The following EFCAB11 variants were observed in gnomAD, a reference collection of about 807,000 sequenced individuals.
EFCAB11 encodes EF-hand calcium-binding domain-containing protein 11.
A neutral mutation model predicts 23.0 loss-of-function variants in EFCAB11; 14 were observed. The observed-to-expected ratio is 0.61, with a 90% confidence interval of 0.40 to 0.95. The LOEUF (loss-of-function observed/expected upper bound fraction) is 0.95, where lower values mean the gene tolerates loss of function less well. EFCAB11 is among the 40% of genes least tolerant of loss of function. The pLI, the probability that EFCAB11 is intolerant of heterozygous loss-of-function variation, is 0.00. For missense variants in EFCAB11, 198 were observed against 195.8 expected, an observed-to-expected ratio of 1.01 and a Z score of -0.07; for synonymous variants, 65 against 66.6, an observed-to-expected ratio of 0.98 and a Z score of 0.11.
chr14:89,866,921 C>A (rs1293637091), intron 5 of EFCAB11, among the ~76,000 whole-genome samples: 2 of 152,170 alleles, frequency 1.3e-5, no homozygotes, highest in Non-Finnish European at 2.9e-5. Context: ...CAGGTGCCTG[C>A]CACCAAACCC....
intron 5 of EFCAB11, among the ~76,000 whole-genome samples, chr14:89,803,456 G>C (rs910534309): frequency 2.0e-5 from 3 of 152,190 alleles, no homozygotes; most frequent in Non-Finnish European, 2.9e-5. Flanking sequence ...TTGAGTCACT[G>C]TGATAATCAC....
chr14:89,932,185 G>C (rs763516529), intron 4 of EFCAB11, among the ~76,000 whole-genome samples: 1 of 152,022 alleles, frequency 6.6e-6, no homozygotes, highest in Non-Finnish European at 1.5e-5. Context: ...TCATATGTAG[G>C]TCAGAGCAAG....
At chr14:89,901,398 C>T (rs952010513) in intron 5 of EFCAB11, among the ~76,000 whole-genome samples, 19 of 152,126 alleles carry the variant, frequency 1.2e-4, no homozygotes, top group Admixed American at 5.2e-4. Context: ...AAATAATAGA[C>T]ATAATCTAGG....
intron 5 of EFCAB11, among the ~76,000 whole-genome samples, chr14:89,828,154 T>C (rs755489963): frequency 6.6e-6 from 1 of 152,202 alleles, no homozygotes; most frequent in Non-Finnish European, 1.5e-5. Flanking sequence ...CAACCTGAGA[T>C]GCATGTTTGT....
At chr14:89,890,741 T>C (rs1227948113) in intron 5 of EFCAB11, among the ~76,000 whole-genome samples, 9 of 152,200 alleles carry the variant, frequency 5.9e-5, no homozygotes, top group Admixed American at 3.3e-4. Flanking sequence ...GGAAAGAAAG[T>C]TGGCATCCCA....
intron 5 of EFCAB11, among the ~76,000 whole-genome samples, chr14:89,916,151 G>T (rs959475488): frequency 7.4e-6 from 1 of 134,332 alleles, no homozygotes; most frequent in African/African-American, 3.6e-5. Flanking sequence ...AGGGAGAATG[G>T]CTCAGAAAAA....
chr14:89,799,886 G>A (rs537431827), intron 5 of EFCAB11, among the ~76,000 whole-genome samples: 2 of 152,212 alleles, frequency 1.3e-5, no homozygotes, highest in South Asian at 2.1e-4. Context: ...TTGTTTTACC[G>A]AGTCTAAAAA....
At chr14:89,855,873 T>C (rs1199611996) in intron 5 of EFCAB11, among the ~76,000 whole-genome samples, 1 of 152,182 alleles carries the variant, frequency 6.6e-6, no homozygotes, top group Non-Finnish European at 1.5e-5. Flanking sequence ...ATAAGTGAAA[T>C]CATGCAATAT....
At chr14:89,914,091 C>G (rs1173865978) in intron 5 of EFCAB11, among the ~76,000 whole-genome samples, 2 of 152,228 alleles carry the variant, frequency 1.3e-5, no homozygotes, top group Admixed American at 6.5e-5. Context: ...AACATTTAGG[C>G]AGATTCAGAT....
chr14:89,918,170 A>G (rs1346166976), intron 5 of EFCAB11, among the ~76,000 whole-genome samples: 1 of 152,192 alleles, frequency 6.6e-6, no homozygotes, highest in Non-Finnish European at 1.5e-5. Context: ...TAGATCAAAA[A>G]AAGGGGAAGA....
chr14:89,809,016 T>C (rs768060494), intron 5 of EFCAB11, among the ~76,000 whole-genome samples: 16 of 152,216 alleles, frequency 1.1e-4, no homozygotes, highest in Non-Finnish European at 1.8e-4. Flanking sequence ...TTTCTATCCC[T>C]GCATTAATTC....
intron 5 of EFCAB11, among the ~76,000 whole-genome samples, chr14:89,900,560 T>C (rs961885304): frequency 6.6e-6 from 1 of 152,208 alleles, no homozygotes; most frequent in African/African-American, 2.4e-5. Flanking sequence ...CCCTGTCACA[T>C]TCAGGCTTTG....
At chr14:89,804,094 T>G (rs575355838) in intron 5 of EFCAB11, among the ~76,000 whole-genome samples, 117 of 152,348 alleles carry the variant, frequency 7.7e-4, no homozygotes, top group African/African-American at 2.7e-3. Context: ...CAGCCATTGC[T>G]GGGAAAGCCT....
upstream of EFCAB11, chr14:89,954,757 G>A (rs1026264142): frequency 2.6e-6 from 4 of 1,519,462 alleles, no homozygotes; most frequent in South Asian, 3.7e-5. Context: ...CCGCGGCTCA[G>A]GAAGCCGAAC....
intron 5 of EFCAB11, among the ~76,000 whole-genome samples, chr14:89,803,750 A>G (rs1034306630): frequency 6.6e-6 from 1 of 152,214 alleles, no homozygotes; most frequent in Non-Finnish European, 1.5e-5. Context: ...AGACCCGCCA[A>G]TTGAAGATGT....
intron 5 of EFCAB11, among the ~76,000 whole-genome samples, chr14:89,889,086 G>C (rs776476462): frequency 1.3e-5 from 2 of 152,140 alleles, no homozygotes; most frequent in Non-Finnish European, 2.9e-5. Flanking sequence ...AGATCAGGAA[G>C]GGTTTGCATG....
intron 3 of EFCAB11, among the ~76,000 whole-genome samples, chr14:89,946,674 G>C (rs1341110902): frequency 6.6e-6 from 1 of 151,970 alleles, no homozygotes; most frequent in Non-Finnish European, 1.5e-5. Context: ...CTGGGCTCAA[G>C]GGATCCTGCC....
At chr14:89,885,261 A>G (rs1888717182) in intron 5 of EFCAB11, among the ~76,000 whole-genome samples, 2 of 152,372 alleles carry the variant, frequency 1.3e-5, no homozygotes, top group Admixed American at 1.3e-4. Context: ...CAGCAAGGAA[A>G]GTTAAATAAG....
intron 5 of EFCAB11, among the ~76,000 whole-genome samples, chr14:89,840,911 G>A (rs1887241008): frequency 6.6e-6 from 1 of 152,188 alleles, no homozygotes. Context: ...GTAAAAAGAT[G>A]AGACTGCTGT....
Sources: allele counts gnomAD v4.1 joint callset (sites outside exome capture counted in the v4.1 genomes callset), GRCh38; gene constraint gnomAD v4.1.1; transcripts MANE v1.5; gene names NCBI Gene and HGNC (gene_info 2026-07-23, HGNC 2026-07-21).